The following TOM1L1 variants were observed in gnomAD, a reference collection of about 807,000 sequenced individuals.
The protein encoded by TOM1L1 is TOM1-like protein 1.
TOM1L1 carries 64 observed loss-of-function variants against 63.4 expected under a neutral mutation model. The observed-to-expected ratio is 1.01, with a 90% CI of 0.83 to 1.24. The LOEUF (loss-of-function observed/expected upper bound fraction) is 1.24. Ranked by LOEUF, TOM1L1 falls within the 50% of genes most tolerant of loss-of-function variation. TOM1L1 has a pLI of 0.00. For synonymous variants in TOM1L1, 166 were observed against 194.4 expected (o/e 0.85, Z 1.22); for missense variants, 536 against 567.0 (o/e 0.95, Z 0.55).
intron 2 of TOM1L1, 102 bp downstream of exon 2, chr17:54,903,894 G>A: frequency 9.7e-7 from 1 of 1,032,118 alleles, no homozygotes; most frequent in Non-Finnish European, 1.5e-6. Flanking sequence ...TTGAAAGAGT[G>A]TTTTCATCAT....
intron 7 of TOM1L1, among the ~76,000 whole-genome samples, chr17:54,919,609 A>G (rs1478409225): frequency 2.0e-5 from 3 of 152,338 alleles, no homozygotes; most frequent in Admixed American, 6.5e-5. Context: ...TGAATAGTAA[A>G]GAGTCTTAGG....
At chr17:54,958,873 G>C (rs927738569) in intron 14 of TOM1L1, among the ~76,000 whole-genome samples, 1 of 152,136 alleles carries the variant, frequency 6.6e-6, no homozygotes, top group African/African-American at 2.4e-5. Context: ...TTGAAGAATA[G>C]GATCTGGCAT....
intron 11 of TOM1L1, among the ~76,000 whole-genome samples, chr17:54,946,822 A>G (rs1314095670): frequency 1.3e-5 from 2 of 152,226 alleles, no homozygotes; most frequent in African/African-American, 4.8e-5. Context: ...GGCTGCTCCT[A>G]TTATTCAGAG....
chr17:54,931,960 G>GTT (rs1567832256), intron 8 of TOM1L1, among the ~76,000 whole-genome samples: 1 of 57,764 alleles, frequency 1.7e-5, no homozygotes, highest in African/African-American at 4.7e-5. Flanking sequence ...TTTTTTTTTT[G>GTT]TTTGTTTGTT....
intron 7 of TOM1L1, among the ~76,000 whole-genome samples, chr17:54,920,237 G>A (rs747636454): frequency 6.6e-6 from 1 of 152,060 alleles, no homozygotes; most frequent in Non-Finnish European, 1.5e-5. Flanking sequence ...CCACCTTGGG[G>A]GTCAGTGAGG....
intron 3 of TOM1L1, among the ~76,000 whole-genome samples, chr17:54,906,457 A>G (rs2048411507): frequency 6.7e-6 from 1 of 149,864 alleles, no homozygotes; most frequent in Non-Finnish European, 1.5e-5. Flanking sequence ...AGCTTGAGCA[A>G]CAGAGCAAGA....
chr17:54,923,308 G>A (rs1489273175), intron 7 of TOM1L1, among the ~76,000 whole-genome samples: 1 of 152,026 alleles, frequency 6.6e-6, no homozygotes. Context: ...TTGTCAAAAT[G>A]TTTTGCACAA....
intron 13 of TOM1L1, among the ~76,000 whole-genome samples, 164 bp downstream of exon 13, chr17:54,949,787 T>A (rs1339741617): frequency 6.6e-6 from 1 of 152,238 alleles, no homozygotes; most frequent in African/African-American, 2.4e-5. Context: ...GACTGACTTA[T>A]AAGAGACTGT....
At chr17:54,912,547 T>C (rs2048513589) in intron 3 of TOM1L1, 119 bp from the exon 4 acceptor site, 1 of 846,704 alleles carries the variant, frequency 1.2e-6, no homozygotes, top group African/African-American at 1.8e-5. Context: ...TAGTAGATAC[T>C]AAATTATGTT....
At position 54,948,833 on chromosome 17, in the gene TOM1L1, TG is replaced by T. The variant is rs1388219007; in HGVS notation, c.1183-684del. On this transcript the variant is annotated intron_variant, in intron 12 of 15. Coordinates refer to ENST00000575882, the MANE Select transcript of TOM1L1 (RefSeq NM_005486.3). ...TCTAATATTTTATCAATCCTGATTT[TG>T]TTGTGTCACTGAGTGCCTCTCTGTA... Among the ~76,000 whole-genome samples, 6 of 152,380 alleles carry T rather than the reference TG, an allele frequency of 3.9e-5. No individual in the cohort carries two copies. In the South Asian group the frequency reaches 6.2e-4, roughly 16 times the overall value.
chr17:54,912,521 A>T (rs1204754505), intron 3 of TOM1L1, 145 bp from the exon 4 acceptor site: 37 of 663,524 alleles, frequency 5.6e-5, no homozygotes, highest in Non-Finnish European at 8.5e-5. Flanking sequence ...AGAACCTAAC[A>T]TTTTGCCATA....
In TOM1L1 at chr17:54,913,759, G is replaced by A. The variant is rs941358990; in HGVS notation, c.384G>A (p.Gln128=). ...TCTCTTGAATTCAGACTTGGTCACA[G>A]GGCTTCCCAGGAGGTGTGGATGTAA... ...RILNFIKTWS[Q]GFPGGVDVSE... Residue 128 remains glutamine, a synonymous_variant, in exon 5 of 16, where the codon CAG becomes CAA. Coordinates refer to ENST00000575882, the MANE Select transcript of TOM1L1 (RefSeq NM_005486.3). 1 of 1,609,510 alleles carries A rather than the reference G, an allele frequency of 6.2e-7. No homozygotes were observed. Among genetic ancestry groups the A allele is most frequent in the Non-Finnish European group, 8.5e-7 (1 of 1,177,402 alleles).
In TOM1L1 at chr17:54,914,760, T is replaced by A; in HGVS notation, c.603+17T>A. The A allele has an allele frequency of 6.4e-7, 1 of 1,550,932 alleles. No individual in the cohort carries two copies. The highest frequency in any genetic ancestry group is 8.9e-7 in the Non-Finnish European group (1 of 1,128,742). Reference sequence around the variant, plus strand: ...CCAGAACAGGTAACAACAACAATCATTGCATTTAATTGATGTCTTTTCCTG... The same window carrying A: ...CCAGAACAGGTAACAACAACAATCAATGCATTTAATTGATGTCTTTTCCTG... On this transcript the variant is annotated intron_variant, in intron 6 of 15. Coordinates refer to ENST00000575882, the MANE Select transcript of TOM1L1 (RefSeq NM_005486.3).
At chr17:54,913,395 G>A (rs1461894308) in intron 4 of TOM1L1, among the ~76,000 whole-genome samples, 2 of 152,110 alleles carry the variant, frequency 1.3e-5, no homozygotes, top group African/African-American at 4.8e-5. Flanking sequence ...GCTGGGTGCG[G>A]TGGCTCACGC....
chr17:54,936,679 G>A lies in TOM1L1; in HGVS notation c.885G>A (p.Glu295=), dbSNP rs959296575. ...RFTRNQQRIL[E]QNKNQKEATN... ...CTAGAAACCAACAAAGGATTTTGGA[G>A]CAAAATAAGAACCAGAAGGAAGCCA... is the stretch of plus-strand genomic sequence containing the variant. Residue 295 remains glutamate (E), a synonymous_variant, in exon 9 of 16, where the codon GAG becomes GAA. Transcript: ENST00000575882. The A allele has an allele frequency of 6.2e-7, 1 of 1,607,244 alleles. No individual in the cohort carries two copies. The highest frequency in any genetic ancestry group is 8.5e-7 in the Non-Finnish European group (1 of 1,178,038).
At chr17:54,924,980 T>C (rs1044517744) in intron 7 of TOM1L1, among the ~76,000 whole-genome samples, 9 of 152,172 alleles carry the variant, frequency 5.9e-5, no homozygotes, top group African/African-American at 2.2e-4. Flanking sequence ...TAGAGGCTAT[T>C]CTCGAGGCTA....
chr17:54,923,893 T>A (rs1264301587), intron 7 of TOM1L1, among the ~76,000 whole-genome samples: 2 of 152,044 alleles, frequency 1.3e-5, no homozygotes, highest in East Asian at 3.9e-4. Context: ...GTTGAGGCAG[T>A]GAGCTGCCTG....
intron 7 of TOM1L1, among the ~76,000 whole-genome samples, chr17:54,923,281 T>A (rs1180794525): frequency 6.6e-6 from 1 of 152,202 alleles, no homozygotes; most frequent in East Asian, 1.9e-4. Flanking sequence ...GTATAGTAAC[T>A]TTAACTTTTT....
At chr17:54,942,186 T>G (rs2049041879) in intron 11 of TOM1L1, 1 of 152,040 alleles carries the variant, frequency 6.6e-6, no homozygotes, top group Admixed American at 6.6e-5. Context: ...AACCTCCACC[T>G]TCCAGGTTCA....
Sources: gnomAD v4.1 joint callset for allele counts (sites outside exome capture counted in the v4.1 genomes callset) on GRCh38, gnomAD v4.1.1 for gene constraint, MANE v1.5 for transcripts, NCBI Gene and HGNC (gene_info 2026-07-23, HGNC 2026-07-21) for gene names.